NME7: variants seen among roughly 807,000 people sequenced by gnomAD.
NME7 encodes NME/NM23 family member 7.
NME7 carries 41 observed loss-of-function variants against 49.1 expected under a neutral mutation model. The observed-to-expected ratio is 0.83, with a 90% confidence interval of 0.65 to 1.08. The LOEUF (loss-of-function observed/expected upper bound fraction) is 1.08. Ranked by LOEUF, NME7 falls within the 50% of genes least tolerant of loss-of-function variation. The pLI, the probability that NME7 is intolerant of heterozygous loss-of-function variation, is 0.00. For missense variants in NME7, 423 were observed against 463.4 expected (o/e 0.91, Z 0.80); for synonymous variants, 139 against 150.6 (o/e 0.92, Z 0.56).
At chr1:169,161,805 G>A (rs1363805878) in intron 11 of NME7, among the ~76,000 whole-genome samples, 1 of 152,150 alleles carries the variant, frequency 6.6e-6, no homozygotes, top group Admixed American at 6.5e-5. Context: ...TTAATATTAT[G>A]GGAGGGGCCT....
intron 10 of NME7, among the ~76,000 whole-genome samples, chr1:169,205,783 C>T (rs1160056366): frequency 1.3e-5 from 2 of 152,152 alleles, no homozygotes; most frequent in Non-Finnish European, 2.9e-5. Flanking sequence ...CTGCAATGGT[C>T]CCCTTCTTAC....
chr1:169,230,953 C>T, intron 9 of NME7, 134 bp from the exon 10 acceptor site: 2 of 498,222 alleles, frequency 4.0e-6, no homozygotes, highest in South Asian at 1.1e-4. Context: ...ACATATCAAG[C>T]AGTTCCCAAA....
Position 169,259,011 on chromosome 1 carries a change from C to T in NME7, c.755-21324G>A. 1.5e-5 allele frequency among the ~76,000 whole-genome samples: 2 copies of T among 133,046 alleles called. 1 individual carries two copies. The highest frequency in any genetic ancestry group is 3.5e-5 in the Non-Finnish European group (2 of 56,610). 87.3% of individuals were successfully genotyped at this position (133,046 alleles called of 152,430 possible). On this transcript the variant is annotated intron_variant, in intron 7 of 11. Coordinates refer to ENST00000367811, the MANE Select transcript of NME7 (RefSeq NM_013330.5). ...CTGCGAGTAAGGTCTCTGAGAACAACAAAGCATCACAACTACTCCTTTGGC... is the reference window on the plus strand; with the variant it reads ...CTGCGAGTAAGGTCTCTGAGAACAATAAAGCATCACAACTACTCCTTTGGC...
At chr1:169,217,656 T>C (rs1474403089) in intron 10 of NME7, among the ~76,000 whole-genome samples, 3 of 152,114 alleles carry the variant, frequency 2.0e-5, no homozygotes, top group Non-Finnish European at 4.4e-5. Flanking sequence ...GTCTCAGAAC[T>C]TAACACAACA....
chr1:169,156,294 A>G (rs1413484948), intron 11 of NME7, among the ~76,000 whole-genome samples: 1 of 151,972 alleles, frequency 6.6e-6, no homozygotes, highest in African/African-American at 2.4e-5. Flanking sequence ...TGGGTGACAG[A>G]GTGAGACTCT....
rs1282497807 is a variant in NME7, at chr1:169,270,504, A to G, written c.754+16799T>C. Among the ~76,000 whole-genome samples the G allele has an allele frequency of 2.2e-5, 3 of 133,772 alleles. 1 individual carries two copies. Among genetic ancestry groups the G allele is most frequent in the Middle Eastern group, 7.6e-3 (2 of 264 alleles). The allele number at this position is 133,772 out of a possible 152,430, so 87.8% of individuals were successfully genotyped here. On this transcript the variant is annotated intron_variant, in intron 7 of 11. Transcript: ENST00000367811. ...ACTTTATTCCTTTAACAATGACTAC[A>G]TTTTTCTCCCTGTAGATGATGAATG...
At chr1:169,342,265 A>T (rs1176858309) in intron 1 of NME7, among the ~76,000 whole-genome samples, 1 of 151,856 alleles carries the variant, frequency 6.6e-6, no homozygotes, top group Admixed American at 6.6e-5. Context: ...TAAAAGTGGA[A>T]GCTTCCCCTG....
At chr1:169,331,354 A>T (rs1356610246) in intron 1 of NME7, among the ~76,000 whole-genome samples, 1 of 152,168 alleles carries the variant, frequency 6.6e-6, no homozygotes, top group Non-Finnish European at 1.5e-5. Context: ...TGACAGACCC[A>T]CAGCTAGTAT....
chr1:169,158,744 C>T (rs1034270473), intron 11 of NME7, among the ~76,000 whole-genome samples: 3 of 152,096 alleles, frequency 2.0e-5, no homozygotes, highest in Non-Finnish European at 4.4e-5. Context: ...GGGTCAAATC[C>T]CCGAGTTGCT....
At chr1:169,146,440 T>C (rs1658753879) in intron 11 of NME7, among the ~76,000 whole-genome samples, 1 of 152,144 alleles carries the variant, frequency 6.6e-6, no homozygotes, top group African/African-American at 2.4e-5. Flanking sequence ...CCAAAGCCCT[T>C]TGGAGTATGA....
chr1:169,288,821 C>T (rs1157741851), intron 6 of NME7, among the ~76,000 whole-genome samples: 1 of 152,100 alleles, frequency 6.6e-6, no homozygotes, highest in Non-Finnish European at 1.5e-5. Flanking sequence ...GCTTTGATTG[C>T]ATGGTCCGAG....
At chr1:169,190,336 T>A (rs912852841) in intron 10 of NME7, among the ~76,000 whole-genome samples, 3 of 151,348 alleles carry the variant, frequency 2.0e-5, no homozygotes, top group African/African-American at 7.3e-5. Flanking sequence ...TTAAAAAGGA[T>A]GTTACAAAGT....
intron 10 of NME7, among the ~76,000 whole-genome samples, chr1:169,222,613 G>C (rs1661178495): frequency 6.6e-6 from 1 of 152,138 alleles, no homozygotes; most frequent in African/African-American, 2.4e-5. Flanking sequence ...TAAGACAATA[G>C]AGGAACCCCG....
At chr1:169,156,936 G>A (rs1659093650) in intron 11 of NME7, among the ~76,000 whole-genome samples, 1 of 152,206 alleles carries the variant, frequency 6.6e-6, no homozygotes, top group African/African-American at 2.4e-5. Flanking sequence ...GAAATATCAG[G>A]TTTGAGAAGG....
chr1:169,274,497 T>G (rs1324971049), intron 7 of NME7, among the ~76,000 whole-genome samples: 2 of 134,200 alleles, frequency 1.5e-5, no homozygotes, highest in African/African-American at 5.1e-5. Context: ...AATTTTGGCT[T>G]TTGTTGCCAT....
chr1:169,204,445 G>T (rs1387328943), intron 10 of NME7, among the ~76,000 whole-genome samples: 8 of 151,852 alleles, frequency 5.3e-5, no homozygotes, highest in Non-Finnish European at 7.4e-5. Context: ...TAGCTTTATT[G>T]TCTACTATTA....
At chr1:169,300,237 A>G (rs1650886368) in intron 5 of NME7, among the ~76,000 whole-genome samples, 1 of 152,170 alleles carries the variant, frequency 6.6e-6, no homozygotes. Context: ...TTAATGCTAT[A>G]AACATATACA....
At chr1:169,278,762 G>A (rs1023285153) in intron 7 of NME7, among the ~76,000 whole-genome samples, 1 of 152,154 alleles carries the variant, frequency 6.6e-6, no homozygotes, top group African/African-American at 2.4e-5. Flanking sequence ...GAGGCACTCT[G>A]CTTTTTAGAG....
At chr1:169,269,715 G>T (rs1649430565) in intron 7 of NME7, among the ~76,000 whole-genome samples, 1 of 133,178 alleles carries the variant, frequency 7.5e-6, no homozygotes, top group Admixed American at 7.4e-5. Flanking sequence ...GCGCCTACCA[G>T]TCTCATTTTA....
Sources: allele counts gnomAD v4.1 joint callset (sites outside exome capture counted in the v4.1 genomes callset), GRCh38; gene constraint gnomAD v4.1.1; transcripts MANE v1.5; gene names NCBI Gene and HGNC (gene_info 2026-07-23, HGNC 2026-07-21).